Variants in REV1 observed in about 807,000 individuals in gnomAD.
The protein encoded by REV1 is REV1 DNA directed polymerase.
A neutral mutation model predicts 137.4 loss-of-function variants in REV1; 42 were observed. The ratio of observed to expected loss-of-function variants is 0.31; its 90% CI spans 0.24 to 0.40. The LOEUF is 0.40. Ranked by LOEUF, REV1 falls within the 10% of genes least tolerant of loss-of-function variation. The pLI is 1.00. For missense variants in REV1, 1,282 were observed against 1,490.1 expected, an observed-to-expected ratio of 0.86 and a Z score of 2.30; for synonymous variants, 524 against 519.2, an observed-to-expected ratio of 1.01 and a Z score of -0.12.
chr2:99,400,646 G>A lies in REV1; in HGVS notation c.*595C>T, dbSNP rs896139038. On this transcript the variant is annotated 3_prime_UTR_variant, in exon 23 of 23. Coordinates refer to ENST00000258428, the MANE Select transcript of REV1 (RefSeq NM_016316.4). ...TGATCTACGGGACATAATGTTCCCAGGAAAAAAATCTTCAAGTGGGTGTGA... is the reference window on the plus strand; with the variant it reads ...TGATCTACGGGACATAATGTTCCCAAGAAAAAAATCTTCAAGTGGGTGTGA... 6.6e-6 allele frequency: 1 copy of A among 152,078 alleles called. No homozygotes were observed. The highest frequency in any genetic ancestry group is 1.5e-5 in the Non-Finnish European group (1 of 68,018). 9.4% of individuals were successfully genotyped at this position (152,078 alleles called of 1,614,324 possible).
chr2:99,473,232 G>A (rs191606678), intron 1 of REV1, among the ~76,000 whole-genome samples: 3 of 152,190 alleles, frequency 2.0e-5, no homozygotes, highest in Non-Finnish European at 2.9e-5. Flanking sequence ...GCTGGGAGTG[G>A]TGGCGCATGC....
intron 6 of REV1, chr2:99,436,562 T>G (rs1451267194): frequency 6.6e-6 from 1 of 152,654 alleles, no homozygotes; most frequent in Non-Finnish European, 1.5e-5. Flanking sequence ...CTGTACATTT[T>G]TATCCTTATG....
chr2:99,408,840 C>T (rs1432332294), intron 14 of REV1, among the ~76,000 whole-genome samples: 2 of 152,182 alleles, frequency 1.3e-5, no homozygotes, highest in South Asian at 4.1e-4. Context: ...AAAGTTATTT[C>T]GTGTTTTGGA....
At chr2:99,417,066 T>C (rs760577974) in intron 12 of REV1, among the ~76,000 whole-genome samples, 2 of 152,204 alleles carry the variant, frequency 1.3e-5, no homozygotes, top group Non-Finnish European at 2.9e-5. Flanking sequence ...GATGGTGTTT[T>C]GGACTAAACT....
At chr2:99,461,622 TAAG>T (rs1161627701) in intron 3 of REV1, among the ~76,000 whole-genome samples, 1 of 152,178 alleles carries the variant, frequency 6.6e-6, no homozygotes, top group Non-Finnish European at 1.5e-5. Context: ...AATGAAATGA[TAAG>T]AAGAAGAATC....
At chr2:99,417,201 G>A (rs1478221232) in intron 12 of REV1, among the ~76,000 whole-genome samples, 2 of 151,896 alleles carry the variant, frequency 1.3e-5, no homozygotes, top group African/African-American at 4.8e-5. Flanking sequence ...GTGCAGTGGT[G>A]CGATCTTGGC....
chr2:99,471,289 C>T (rs1313547502), intron 1 of REV1, among the ~76,000 whole-genome samples: 5 of 152,164 alleles, frequency 3.3e-5, no homozygotes, highest in Non-Finnish European at 7.3e-5. Context: ...TATGATCCAA[C>T]CCAGGGTCAT....
At chr2:99,461,621 A>G (rs770177404) in intron 3 of REV1, among the ~76,000 whole-genome samples, 3 of 152,262 alleles carry the variant, frequency 2.0e-5, no homozygotes, top group Non-Finnish European at 2.9e-5. Context: ...CAATGAAATG[A>G]TAAGAAGAAG....
intron 1 of REV1, among the ~76,000 whole-genome samples, chr2:99,467,647 T>C (rs1190167542): frequency 6.6e-6 from 1 of 152,296 alleles, no homozygotes; most frequent in Non-Finnish European, 1.5e-5. Context: ...AGGATAAAGA[T>C]TGCCGCAATT....
At chr2:99,412,678 T>A in intron 13 of REV1, 53 bp downstream of exon 13, 1 of 1,267,404 alleles carries the variant, frequency 7.9e-7, no homozygotes, top group South Asian at 1.2e-5. Context: ...GAGGTAGGAC[T>A]ATGTAAAAAT....
intron 8 of REV1, among the ~76,000 whole-genome samples, chr2:99,432,424 C>G (rs1408550377): frequency 2.0e-5 from 3 of 151,298 alleles, no homozygotes; most frequent in African/African-American, 7.3e-5. Context: ...TGATAATGAC[C>G]CAGAGAAAGA....
At chr2:99,446,167 GC>G (rs1682179770) in intron 4 of REV1, among the ~76,000 whole-genome samples, 1 of 152,100 alleles carries the variant, frequency 6.6e-6, no homozygotes, top group Non-Finnish European at 1.5e-5. Flanking sequence ...TCTATAACAA[GC>G]TTAATTAAAT....
intron 1 of REV1, among the ~76,000 whole-genome samples, chr2:99,468,813 T>A (rs1358434684): frequency 6.6e-6 from 1 of 152,192 alleles, no homozygotes; most frequent in East Asian, 1.9e-4. Flanking sequence ...ACACCTTCAA[T>A]AAACATTAAC....
chr2:99,437,697 A>G (rs913251439), intron 6 of REV1, among the ~76,000 whole-genome samples: 1 of 152,224 alleles, frequency 6.6e-6, no homozygotes, highest in Non-Finnish European at 1.5e-5. Flanking sequence ...CTAATTAATC[A>G]TAGTTCTTAG....
intron 1 of REV1, among the ~76,000 whole-genome samples, chr2:99,483,793 A>C (rs748453932): frequency 1.3e-4 from 20 of 152,006 alleles, no homozygotes; most frequent in Non-Finnish European, 2.4e-4. Context: ...CAGGGGGAAA[A>C]AATGGCCTTG....
rs1215212762 is a variant in REV1, at chr2:99,402,805, T to G, written c.3385-5A>C. Reference sequence around the variant, plus strand: ...AGTAGAAGCAGAGAGTTCTTCCTGTTAAGAAAACAAAGGATAAAATTGCTA... The same window carrying G: ...AGTAGAAGCAGAGAGTTCTTCCTGTGAAGAAAACAAAGGATAAAATTGCTA... On this transcript the variant is annotated splice_region_variant and splice_polypyrimidine_tract_variant and intron_variant, in intron 20 of 22. Transcript: ENST00000258428. The G allele has an allele frequency of 1.2e-6, 2 of 1,614,038 alleles. No homozygotes were observed. The highest frequency in any genetic ancestry group is 3.3e-5 in the Admixed American group (2 of 59,992).
At chr2:99,424,124 C>T in intron 10 of REV1, 28 bp downstream of exon 10, 2 of 1,603,024 alleles carry the variant, frequency 1.2e-6, no homozygotes, top group Non-Finnish European at 1.7e-6. Context: ...AAAACACAGA[C>T]ACAAAATGAC....
At chr2:99,471,016 T>C (rs80311424) in intron 1 of REV1, among the ~76,000 whole-genome samples, 4,605 of 152,338 alleles carry the variant, frequency 0.03, 229 homozygotes, top group East Asian at 0.14. Flanking sequence ...TAGTTACAAA[T>C]TGACATGCAA....
chr2:99,464,072 A>C (rs1040461285), intron 2 of REV1, among the ~76,000 whole-genome samples: 1 of 152,256 alleles, frequency 6.6e-6, no homozygotes, highest in Admixed American at 6.5e-5. Flanking sequence ...CAGTGGCTAA[A>C]TTCTGGATCT....
Sources: allele counts gnomAD v4.1 joint callset (sites outside exome capture counted in the v4.1 genomes callset), GRCh38; gene constraint gnomAD v4.1.1; transcripts MANE v1.5; gene names NCBI Gene and HGNC (gene_info 2026-07-23, HGNC 2026-07-21).